Variants in PRKCH observed in about 807,000 individuals in gnomAD.
PRKCH encodes protein kinase C eta.
A neutral mutation model predicts 82.5 loss-of-function variants in PRKCH; 28 were observed. The observed-to-expected ratio is 0.34, with a 90% CI of 0.25 to 0.47. The LOEUF (loss-of-function observed/expected upper bound fraction) is 0.47. Ranked by LOEUF, PRKCH falls within the 20% of genes least tolerant of loss-of-function variation. The pLI is 1.00. For synonymous variants in PRKCH, 322 were observed against 327.4 expected (o/e 0.98, Z 0.18); for missense variants, 705 against 881.8 (o/e 0.80, Z 2.54).
chr14:61,267,948 CT>C (rs1039431740), intron 1 of PRKCH, among the ~76,000 whole-genome samples: 2 of 152,110 alleles, frequency 1.3e-5, no homozygotes, highest in African/African-American at 4.8e-5. Flanking sequence ...ATAGATTTTT[CT>C]TACGTATCAT....
intron 9 of PRKCH, among the ~76,000 whole-genome samples, chr14:61,469,532 G>A (rs747699782): frequency 3.9e-5 from 6 of 152,178 alleles, no homozygotes; most frequent in African/African-American, 1.4e-4. Flanking sequence ...GTGATGAGCT[G>A]GGACTGCCAG....
chr14:61,481,065 A>G (rs1885950469), intron 9 of PRKCH, among the ~76,000 whole-genome samples: 1 of 152,100 alleles, frequency 6.6e-6, no homozygotes, highest in Non-Finnish European at 1.5e-5. Context: ...CGGTGTCCCC[A>G]TAACACCTTC....
intron 12 of PRKCH, among the ~76,000 whole-genome samples, chr14:61,533,589 T>C (rs1387380167): frequency 1.3e-5 from 2 of 152,238 alleles, no homozygotes; most frequent in Non-Finnish European, 2.9e-5. Flanking sequence ...CTTTGACTAA[T>C]AGGCTGTGTG....
In PRKCH at chr14:61,364,042, T is replaced by C. The variant is rs2046267051; in HGVS notation, c.364-27183T>C. Among the ~76,000 whole-genome samples the C allele has an allele frequency of 1.4e-5, 2 of 147,500 alleles. 1 individual carries two copies. Among genetic ancestry groups the C allele is most frequent in the South Asian group, 4.2e-4 (2 of 4,786 alleles). On this transcript the variant is annotated intron_variant, in intron 1 of 13. Coordinates refer to ENST00000332981, the MANE Select transcript of PRKCH (RefSeq NM_006255.5). ...TATATATTTGTATATATATAATATA[T>C]ATATATATATTTGTGTGTATATATA... is the stretch of plus-strand genomic sequence containing the variant.
At chr14:61,270,809 C>CA (rs1330111770) in intron 1 of PRKCH, among the ~76,000 whole-genome samples, 15 of 152,144 alleles carry the variant, frequency 9.9e-5, no homozygotes, top group East Asian at 9.7e-4. Flanking sequence ...CCTGTCTCTA[C>CA]AAAAAAATTT....
chr14:61,352,689 G>GAAAGAAAGAAAGAAAGAAA (rs1486410316), intron 1 of PRKCH, among the ~76,000 whole-genome samples: 1 of 126,456 alleles, frequency 7.9e-6, no homozygotes, highest in Non-Finnish European at 1.6e-5. Flanking sequence ...AGAAAGGAAA[G>GAAAGAAAGAAAGAAAGAAA]GAAAGAAAGA....
intron 10 of PRKCH, among the ~76,000 whole-genome samples, chr14:61,516,642 G>T (rs1474229492): frequency 1.3e-5 from 2 of 152,150 alleles, no homozygotes; most frequent in East Asian, 3.8e-4. Flanking sequence ...GTACCAGTGA[G>T]TTCTCCCAAG....
chr14:61,384,538 C>A (rs112427048), intron 1 of PRKCH, among the ~76,000 whole-genome samples: 1 of 151,982 alleles, frequency 6.6e-6, no homozygotes, highest in South Asian at 2.1e-4. Flanking sequence ...CACCAGGACC[C>A]AGGTCTTCTC....
intron 1 of PRKCH, among the ~76,000 whole-genome samples, chr14:61,297,185 C>T (rs549626387): frequency 5.1e-4 from 77 of 152,260 alleles, no homozygotes; most frequent in Non-Finnish European, 8.8e-4. Context: ...AAGAAAGTAA[C>T]GTGCATTAGT....
At position 61,349,766 on chromosome 14, in the gene PRKCH, C is replaced by T. The variant is rs747797592; in HGVS notation, c.363+27302C>T. ...ATCCCAGCTACTCAGGAGGCTGAGG[C>T]AGGATAATTGCTTGAACCTGGGAGG... On this transcript the variant is annotated intron_variant, in intron 1 of 13. Transcript: ENST00000332981. 1.6e-3 allele frequency among the ~76,000 whole-genome samples: 241 copies of T among 152,182 alleles called. 6 individuals are homozygous for T. Among genetic ancestry groups the T allele is most frequent in the Middle Eastern group, 6.8e-3 (2 of 294 alleles).
intron 1 of PRKCH, among the ~76,000 whole-genome samples, chr14:61,324,614 A>C (rs1274138009): frequency 1.3e-5 from 2 of 152,128 alleles, no homozygotes; most frequent in African/African-American, 4.8e-5. Flanking sequence ...TATCCTTTAT[A>C]GGTTCAAAAA....
chr14:61,273,143 C>T (rs955980465), intron 1 of PRKCH, among the ~76,000 whole-genome samples: 8 of 152,154 alleles, frequency 5.3e-5, no homozygotes, highest in African/African-American at 1.9e-4. Flanking sequence ...TTTTATGGCC[C>T]TTCTGTGGCA....
chr14:61,430,762 T>TTA (rs1291821353), intron 2 of PRKCH, among the ~76,000 whole-genome samples: 1 of 151,094 alleles, frequency 6.6e-6, no homozygotes, highest in African/African-American at 2.4e-5. Context: ...CAGCTTCCTT[T>TTA]TTTTTTTTTT....
intron 1 of PRKCH, among the ~76,000 whole-genome samples, chr14:61,219,251 T>C (rs2044637455): frequency 6.6e-6 from 1 of 152,198 alleles, no homozygotes; most frequent in Non-Finnish European, 1.5e-5. Context: ...GGTTACCAGA[T>C]AAAACACAAG....
At position 61,433,043 on chromosome 14, in the gene PRKCH, C is replaced by CAAAAAA. The variant is rs34477992; in HGVS notation, c.428-10055_428-10050dup. 2.7e-4 allele frequency among the ~76,000 whole-genome samples: 30 copies of CAAAAAA among 110,960 alleles called. No homozygotes were observed. The East Asian group carries it at 4.4e-3, about 16-fold the overall frequency. The allele number at this position is 110,960 out of a possible 152,430, so 72.8% of individuals were successfully genotyped here. A position where few individuals can be genotyped will look rare whatever the true frequency, so the allele number is the denominator to read the frequency against. The stretch of plus-strand genomic sequence containing the variant: ...CCCTCCCCTCACCCCCCAACCTCTT[C>CAAAAAA]AAAAAAAAAAAAAAAAAACTATCAA... On this transcript the variant is annotated intron_variant, in intron 2 of 13. Transcript: ENST00000332981.
intron 1 of PRKCH, among the ~76,000 whole-genome samples, chr14:61,339,864 A>T (rs745373098): frequency 1.2e-4 from 18 of 151,368 alleles, no homozygotes; most frequent in Non-Finnish European, 2.4e-4. Context: ...TTAATTTTTC[A>T]TAGAGACAGA....
chr14:61,279,330 TGCCAGACCA>T (rs968829698), intron 1 of PRKCH: 2 of 152,176 alleles, frequency 1.3e-5, no homozygotes, highest in Non-Finnish European at 2.9e-5. Context: ...CAAGGCAGAG[TGCCAGACCA>T]AACCTGGAAC....
At chr14:61,344,730 C>A (rs1279555978) in intron 1 of PRKCH, among the ~76,000 whole-genome samples, 1 of 152,100 alleles carries the variant, frequency 6.6e-6, no homozygotes, top group African/African-American at 2.4e-5. Context: ...CCCTGCTGAT[C>A]TTTGCTTGGG....
chr14:61,247,800 G>A (rs907321748), intron 1 of PRKCH, among the ~76,000 whole-genome samples: 3 of 148,474 alleles, frequency 2.0e-5, no homozygotes, highest in Non-Finnish European at 4.5e-5. Flanking sequence ...AAGCCATAGA[G>A]CATCTGACTT....
Sources: allele counts gnomAD v4.1 joint callset (sites outside exome capture counted in the v4.1 genomes callset), GRCh38; gene constraint gnomAD v4.1.1; transcripts MANE v1.5; gene names NCBI Gene and HGNC (gene_info 2026-07-23, HGNC 2026-07-21).